Variants in PHLDB2 observed in about 807,000 individuals in gnomAD.
The protein encoded by PHLDB2 is pleckstrin homology-like domain family B member 2.
Under a neutral mutation model 123.6 loss-of-function variants are expected in PHLDB2, and 71 were observed. That is an observed-to-expected ratio of 0.57 (90% CI 0.47 to 0.70). The LOEUF is 0.70. PHLDB2 is among the 30% of genes least tolerant of loss of function. The pLI is 0.00. For synonymous variants in PHLDB2, 547 were observed against 541.6 expected (o/e 1.01, Z -0.14); for missense variants, 1,446 against 1,519.5 (o/e 0.95, Z 0.80).
intron 1 of PHLDB2, among the ~76,000 whole-genome samples, chr3:111,822,241 C>T (rs1251720887): frequency 1.4e-5 from 2 of 145,864 alleles, no homozygotes; most frequent in East Asian, 4.2e-4. Context: ...TTCCTTCATA[C>T]TTTGCATCAG....
intron 1 of PHLDB2, among the ~76,000 whole-genome samples, chr3:111,760,890 C>G (rs1172349003): frequency 6.6e-6 from 1 of 151,986 alleles, no homozygotes; most frequent in Non-Finnish European, 1.5e-5. Context: ...TGCTTGGAAC[C>G]TTTAGAACTA....
chr3:111,814,964 A>AAT (rs2062008213), intron 1 of PHLDB2, among the ~76,000 whole-genome samples: 1 of 152,136 alleles, frequency 6.6e-6, no homozygotes, highest in Admixed American at 6.5e-5. Context: ...GAGGTGATTG[A>AAT]ATTATGGGTG....
At chr3:111,886,127 C>T (rs1406351327) in intron 2 of PHLDB2, among the ~76,000 whole-genome samples, 1 of 152,168 alleles carries the variant, frequency 6.6e-6, no homozygotes, top group African/African-American at 2.4e-5. Context: ...CTCTTTTAAG[C>T]ACAGGTTTTT....
At chr3:111,891,354 A>G (rs2107371947) in intron 2 of PHLDB2, among the ~76,000 whole-genome samples, 1 of 152,234 alleles carries the variant, frequency 6.6e-6, no homozygotes, top group African/African-American at 2.4e-5. Context: ...AACTCCTGTC[A>G]GATCAGTGGT....
chr3:111,895,306 G>C (rs1261434645), intron 2 of PHLDB2, among the ~76,000 whole-genome samples: 1 of 152,170 alleles, frequency 6.6e-6, no homozygotes, highest in Non-Finnish European at 1.5e-5. Context: ...TTTGAGAGAT[G>C]TATGTTCTGA....
chr3:111,758,735 C>A (rs777775939), intron 1 of PHLDB2, among the ~76,000 whole-genome samples: 2 of 152,186 alleles, frequency 1.3e-5, no homozygotes, highest in Non-Finnish European at 2.9e-5. Context: ...TGTTCCTATT[C>A]GGCCATCTTG....
intron 2 of PHLDB2, among the ~76,000 whole-genome samples, chr3:111,891,645 C>A (rs1246524193): frequency 6.6e-6 from 1 of 151,982 alleles, no homozygotes; most frequent in Non-Finnish European, 1.5e-5. Flanking sequence ...CGAAACCATC[C>A]CTCCCCCATG....
At chr3:111,733,727 A>G (rs901242659) in intron 1 of PHLDB2, among the ~76,000 whole-genome samples, 5 of 152,188 alleles carry the variant, frequency 3.3e-5, no homozygotes, top group Non-Finnish European at 7.3e-5. Context: ...CTTCAAGTCT[A>G]CACACTCTAG....
chr3:111,934,151 A>C (rs147380245), intron 6 of PHLDB2, among the ~76,000 whole-genome samples: 1 of 152,342 alleles, frequency 6.6e-6, no homozygotes, highest in East Asian at 1.9e-4. Context: ...TAAAATTCTT[A>C]TAAAACCTCT....
intron 1 of PHLDB2, among the ~76,000 whole-genome samples, chr3:111,764,794 A>G (rs907285929): frequency 1.3e-5 from 2 of 152,204 alleles, no homozygotes. Context: ...GAGTTGTGCA[A>G]CAGAATAGCT....
chr3:111,951,634 G>A (rs2070725229), intron 10 of PHLDB2, among the ~76,000 whole-genome samples: 1 of 152,098 alleles, frequency 6.6e-6, no homozygotes, highest in Admixed American at 6.5e-5. Context: ...ATAAAGCAAT[G>A]TTAAGATTTT....
chr3:111,955,809 A>G (rs2071017428), intron 12 of PHLDB2, among the ~76,000 whole-genome samples: 1 of 152,230 alleles, frequency 6.6e-6, no homozygotes, highest in African/African-American at 2.4e-5. Context: ...CAACACCAAC[A>G]AAGACCATTA....
intron 1 of PHLDB2, among the ~76,000 whole-genome samples, chr3:111,813,609 GA>G (rs1289543262): frequency 6.6e-6 from 1 of 152,116 alleles, no homozygotes; most frequent in Non-Finnish European, 1.5e-5. Context: ...ATTCTTAGTG[GA>G]AAAATGACTA....
chr3:111,926,925 CTA>C (rs1415444881), intron 5 of PHLDB2, among the ~76,000 whole-genome samples: 1 of 151,888 alleles, frequency 6.6e-6, no homozygotes, highest in East Asian at 1.9e-4. Flanking sequence ...TGTGTTACCT[CTA>C]TGAAATTTCA....
intron 2 of PHLDB2, among the ~76,000 whole-genome samples, chr3:111,847,995 C>A (rs1241984228): frequency 3.3e-5 from 5 of 151,978 alleles, no homozygotes; most frequent in Non-Finnish European, 7.4e-5. Flanking sequence ...GAGGGGTGCA[C>A]GTGAGGGAAG....
rs771872698 is a variant in PHLDB2 at position 111,885,174 on chromosome 3, A to G, written c.1097A>G (p.His366Arg). 1.9e-6 allele frequency: 3 copies of G among 1,614,126 alleles called. No homozygotes were observed. The highest frequency in any genetic ancestry group is 2.2e-5 in the South Asian group (2 of 91,078). Residue 366 changes from histidine (H) to arginine (R), a missense_variant, in exon 2 of 18, where the codon CAT (histidine) becomes CGT (arginine). This residue lies in a region of PHLDB2 where 832 missense variants were observed against 831.9 expected (regional missense o/e 1.00). Transcript: ENST00000431670. Reference protein sequence around the residue: ...QASYVGTNPSHSLLAGESDRV... With the variant: ...QASYVGTNPSRSLLAGESDRV... Reference sequence around the variant, plus strand: ...TCATATGTGGGGACAAACCCGAGTCATTCACTTCTTGCTGGAGAGTCAGAC... The same window carrying G: ...TCATATGTGGGGACAAACCCGAGTCGTTCACTTCTTGCTGGAGAGTCAGAC...
chr3:111,877,343 A>G (rs1233844927), intron 1 of PHLDB2, among the ~76,000 whole-genome samples: 3 of 151,966 alleles, frequency 2.0e-5, no homozygotes, highest in Non-Finnish European at 4.4e-5. Flanking sequence ...TTTTTTTCAT[A>G]TGTTTGTTGG....
At chr3:111,861,877 G>GGTT (rs1398790269) in intron 1 of PHLDB2, among the ~76,000 whole-genome samples, 1 of 152,118 alleles carries the variant, frequency 6.6e-6, no homozygotes, top group Non-Finnish European at 1.5e-5. Context: ...TATAAGCAAG[G>GGTT]GTTGACTCTC....
At chr3:111,954,621 T>C (rs145100500) in intron 12 of PHLDB2, among the ~76,000 whole-genome samples, 32 of 152,342 alleles carry the variant, frequency 2.1e-4, no homozygotes, top group African/African-American at 6.7e-4. Flanking sequence ...AAGAAATTAC[T>C]GTAATGTAGT....
Sources: allele counts gnomAD v4.1 joint callset (sites outside exome capture counted in the v4.1 genomes callset), GRCh38; gene constraint gnomAD v4.1.1; regional missense constraint gnomAD v4.1.1; transcripts MANE v1.5; gene names NCBI Gene and HGNC (gene_info 2026-07-23, HGNC 2026-07-21).